The following CFAP58 variants were observed in gnomAD, a reference collection of about 807,000 sequenced individuals.
CFAP58 encodes the protein cilia and flagella associated protein 58.
A neutral mutation model predicts 119.5 loss-of-function variants in CFAP58; 88 were observed. The observed-to-expected ratio is 0.74, with a 90% CI of 0.62 to 0.88. The LOEUF (loss-of-function observed/expected upper bound fraction) is 0.88. CFAP58 is among the 40% of genes least tolerant of loss of function. The pLI, the probability that CFAP58 is intolerant of heterozygous loss-of-function variation, is 0.00. For missense variants in CFAP58, 990 were observed against 1,021.2 expected (o/e 0.97, Z 0.42); for synonymous variants, 365 against 366.3 (o/e 1.00, Z 0.04).
chr10:104,392,212 A>G (rs1363302715), intron 9 of CFAP58, 21 bp from the exon 10 acceptor site: 5 of 1,605,834 alleles, frequency 3.1e-6, no homozygotes, highest in Non-Finnish European at 3.4e-6. Context: ...AACCACATTC[A>G]TATATGTCTT....
At chr10:104,441,174 T>G (rs1336093477) in intron 15 of CFAP58, among the ~76,000 whole-genome samples, 1 of 152,154 alleles carries the variant, frequency 6.6e-6, no homozygotes, top group Non-Finnish European at 1.5e-5. Flanking sequence ...AGCTAATTTT[T>G]GTATTTTTTG....
At chr10:104,444,738 C>CA (rs2013087483) in intron 15 of CFAP58, among the ~76,000 whole-genome samples, 1 of 152,314 alleles carries the variant, frequency 6.6e-6, no homozygotes, top group South Asian at 2.1e-4. Flanking sequence ...CACAGTGAAG[C>CA]CGGGCAATAC....
In CFAP58 at chr10:104,358,545, G is replaced by A; in HGVS notation, c.214G>A (p.Val72Ile). Reference protein sequence around the residue: ...AKCRELNAEIVVNSAKVATAL... With the variant: ...AKCRELNAEIIVNSAKVATAL... ...ATGCAGAGAGCTAAATGCAGAGATT[G>A]TAGTGAATTCTGCGAAGGTCGCCAC... The change falls in exon 2 of 18, where the codon GTA becomes ATA. Residue 72 changes from valine (V) to isoleucine (I), a missense_variant. Val to Ile is a conservative substitution (Grantham distance 29). Transcript: ENST00000369704. 1 of 1,614,122 alleles carries A rather than the reference G, an allele frequency of 6.2e-7. No individual in the cohort carries two copies. Among genetic ancestry groups the A allele is most frequent in the Non-Finnish European group, 8.5e-7 (1 of 1,180,002 alleles).
At chr10:104,413,500 A>G (rs1353751857) in intron 15 of CFAP58, among the ~76,000 whole-genome samples, 1 of 151,150 alleles carries the variant, frequency 6.6e-6, no homozygotes, top group Non-Finnish European at 1.5e-5. Context: ...TCACCAAGCT[A>G]CTCTCCCCTT....
intron 17 of CFAP58, among the ~76,000 whole-genome samples, chr10:104,452,723 G>A (rs1297412256): frequency 6.6e-6 from 1 of 152,198 alleles, no homozygotes; most frequent in African/African-American, 2.4e-5. Flanking sequence ...AGCCACATGT[G>A]GCTAGTGGCT....
chr10:104,357,970 C>CACAT (rs2014603610), intron 1 of CFAP58, among the ~76,000 whole-genome samples: 2 of 105,496 alleles, frequency 1.9e-5, no homozygotes, highest in African/African-American at 1.0e-4. Context: ...TATATGTACA[C>CACAT]ATATGTACAT....
intron 3 of CFAP58, among the ~76,000 whole-genome samples, chr10:104,363,420 C>T (rs75393262): frequency 0.011 from 1,624 of 152,268 alleles, 35 homozygotes; most frequent in African/African-American, 0.037. Context: ...TGATCCAACA[C>T]TGACAGATAG....
intron 8 of CFAP58, among the ~76,000 whole-genome samples, chr10:104,377,277 G>C (rs142496511): frequency 1.2e-3 from 188 of 152,280 alleles, no homozygotes; most frequent in African/African-American, 4.2e-3. Flanking sequence ...AGTGCTAATT[G>C]AATTTTAGCT....
In CFAP58 at chr10:104,364,801, TAA is replaced by T. The variant is rs1165738425; in HGVS notation, c.512_513del (p.Lys171IlefsTer10). The T allele has an allele frequency of 6.2e-7, 1 of 1,611,848 alleles. No homozygotes were observed. Among genetic ancestry groups the T allele is most frequent in the Non-Finnish European group, 8.5e-7 (1 of 1,179,194 alleles). ...AGAGACCAGCTCTTATCAGAAGTGG[TAA>T]AATTACGAGAATCCCTAGCTCAGAC... On this transcript the variant is annotated frameshift_variant, in exon 4 of 18. Transcript: ENST00000369704. LOFTEE classifies it high-confidence loss of function.
intron 15 of CFAP58, among the ~76,000 whole-genome samples, chr10:104,412,790 C>A (rs1025204883): frequency 2.0e-4 from 31 of 152,202 alleles, no homozygotes; most frequent in African/African-American, 7.2e-4. Context: ...CAGTTCTCCT[C>A]TCTAATCCCA....
At position 104,383,911 on chromosome 10, in the gene CFAP58, G is replaced by A. The variant is rs992483547; in HGVS notation, c.1365+3691G>A. ...TCTACTTCTAAAGTGAGTATACATT[G>A]TTCCAAGTTTATCTTTTTGACCCAG... On this transcript the variant is annotated intron_variant, in intron 9 of 17. Transcript: ENST00000369704. Among the ~76,000 whole-genome samples the A allele has an allele frequency of 3.9e-5, 6 of 152,056 alleles. No individual in the cohort carries two copies. The South Asian group carries it at 1.2e-3, about 32-fold the overall frequency.
intron 15 of CFAP58, among the ~76,000 whole-genome samples, chr10:104,421,491 A>G (rs1321987905): frequency 6.6e-6 from 1 of 152,166 alleles, no homozygotes; most frequent in Non-Finnish European, 1.5e-5. Context: ...TGTCCATTCT[A>G]ACTCCTCTAA....
chr10:104,390,175 A>C (rs1240922125), intron 9 of CFAP58, among the ~76,000 whole-genome samples: 2 of 152,220 alleles, frequency 1.3e-5, no homozygotes, highest in East Asian at 3.8e-4. Flanking sequence ...ATACACATAC[A>C]AAAATGTTTC....
At chr10:104,373,648 CT>C (rs1450294797) in intron 7 of CFAP58, among the ~76,000 whole-genome samples, 4 of 151,836 alleles carry the variant, frequency 2.6e-5, no homozygotes, top group African/African-American at 9.7e-5. Flanking sequence ...GAGCAAGTCT[CT>C]TTAAAATTCA....
rs531700296 is a variant in CFAP58 at position 104,393,282 on chromosome 10, G to A, written c.1528-47G>A. On this transcript the variant is annotated intron_variant, in intron 10 of 17. Coordinates refer to ENST00000369704, the MANE Select transcript of CFAP58 (RefSeq NM_001008723.2). ...ATATATATTGAACTTCCATAGGGAC[G>A]ATGATGTCTAATTCACTTTCAAACA... 1.8e-5 allele frequency: 28 copies of A among 1,559,698 alleles called. No homozygotes were observed. In the African/African-American group the frequency reaches 2.2e-4, roughly 12 times the overall value.
chr10:104,400,908 T>C lies in CFAP58; in HGVS notation c.2039+5T>C, dbSNP rs2133043247. The C allele has an allele frequency of 1.9e-6, 3 of 1,610,348 alleles. No individual in the cohort carries two copies. Among genetic ancestry groups the C allele is most frequent in the Non-Finnish European group, 2.5e-6 (3 of 1,176,868 alleles). ...GGCTAATGTTGAAGAACTCAGGTAA[T>C]AGATTATAGAACTCAGGGCTGAAGG... On this transcript the variant is annotated splice_donor_5th_base_variant and intron_variant, in intron 13 of 17. Coordinates refer to ENST00000369704, the MANE Select transcript of CFAP58 (RefSeq NM_001008723.2).
At chr10:104,350,033 G>A (rs889315468), upstream of CFAP58, among the ~76,000 whole-genome samples, 5 of 152,314 alleles carry the variant, frequency 3.3e-5, no homozygotes, top group African/African-American at 9.6e-5. Flanking sequence ...CTTATTTACT[G>A]ACATCCTCAT....
rs1030544306 is a variant in CFAP58, at chr10:104,403,604, T to A, written c.2040-125T>A. On this transcript the variant is annotated intron_variant, in intron 13 of 17. Coordinates refer to ENST00000369704, the MANE Select transcript of CFAP58 (RefSeq NM_001008723.2). ...CAGAATTAGGAGGCTGGTCCCTGTG[T>A]TCACAATATTCTCCCTAACTCCAAC... 5 of 499,386 alleles carry A rather than the reference T, an allele frequency of 1.0e-5. No individual in the cohort carries two copies. In the Admixed American group the frequency reaches 1.2e-4, roughly 12 times the overall value. The allele number at this position is 499,386 out of a possible 1,614,324, so 30.9% of individuals were successfully genotyped here. A position where few individuals can be genotyped will look rare whatever the true frequency, so the allele number is the denominator to read the frequency against.
chr10:104,353,672 C>G (rs1039866150), upstream of CFAP58: 1 of 541,980 alleles, frequency 1.8e-6, no homozygotes, highest in African/African-American at 1.9e-5. Context: ...TCTGAGGAAC[C>G]CTGCCCAGGT....
Sources: allele counts gnomAD v4.1 joint callset (sites outside exome capture counted in the v4.1 genomes callset), GRCh38; gene constraint gnomAD v4.1.1; transcripts MANE v1.5; gene names NCBI Gene and HGNC (gene_info 2026-07-23, HGNC 2026-07-21).